TMEM178B: variants seen among roughly 807,000 people sequenced by gnomAD.
TMEM178B encodes the protein transmembrane protein 178B.
Under a neutral mutation model 31.0 loss-of-function variants are expected in TMEM178B, and 5 were observed. The ratio of observed to expected loss-of-function variants is 0.16; its 90% CI spans 0.08 to 0.34. TMEM178B has a LOEUF of 0.34. Ranked by LOEUF, TMEM178B falls within the 10% of genes least tolerant of loss-of-function variation. The pLI is 1.00. For missense variants in TMEM178B, 275 were observed against 400.3 expected (o/e 0.69, Z 2.67); for synonymous variants, 164 against 164.0 (o/e 1.00, Z 0.00).
At chr7:141,082,952 G>A (rs1563082885) in intron 1 of TMEM178B, among the ~76,000 whole-genome samples, 1 of 152,242 alleles carries the variant, frequency 6.6e-6, no homozygotes, top group East Asian at 1.9e-4. Flanking sequence ...TTACTGTAGG[G>A]TCAATTAGAG....
At chr7:141,310,622 G>A (rs6962018) in intron 2 of TMEM178B, among the ~76,000 whole-genome samples, 38,275 of 151,836 alleles carry the variant, frequency 0.25, 6,065 homozygotes, top group African/African-American at 0.44. Context: ...TTCCCTTCCT[G>A]GAACGGTGAT....
intron 2 of TMEM178B, among the ~76,000 whole-genome samples, chr7:141,377,568 G>A (rs1800240511): frequency 6.6e-6 from 1 of 152,034 alleles, no homozygotes; most frequent in African/African-American, 2.4e-5. Context: ...CTACTCAAGA[G>A]GCTAAGACAG....
At chr7:141,396,679 A>G (rs544473832) in intron 2 of TMEM178B, among the ~76,000 whole-genome samples, 12 of 152,330 alleles carry the variant, frequency 7.9e-5, no homozygotes, top group African/African-American at 2.9e-4. Flanking sequence ...AAGAAGAGAA[A>G]AATGGGATAA....
At chr7:141,257,941 G>T (rs1797953932) in intron 2 of TMEM178B, among the ~76,000 whole-genome samples, 1 of 151,058 alleles carries the variant, frequency 6.6e-6, no homozygotes, top group African/African-American at 2.4e-5. Flanking sequence ...TTTTTGTTTA[G>T]TTAAATAGAT....
At chr7:141,330,422 G>A (rs1047577033) in intron 2 of TMEM178B, among the ~76,000 whole-genome samples, 1 of 152,102 alleles carries the variant, frequency 6.6e-6, no homozygotes, top group Non-Finnish European at 1.5e-5. Flanking sequence ...AATGACTTCC[G>A]GCTCCATCCA....
chr7:141,454,657 T>C (rs185263394), intron 3 of TMEM178B, among the ~76,000 whole-genome samples: 82 of 150,328 alleles, frequency 5.5e-4, no homozygotes, highest in Middle Eastern at 3.5e-3. Flanking sequence ...AGTCAACACT[T>C]CTGGGTTAGT....
chr7:141,436,298 T>G (rs1311134708), intron 2 of TMEM178B, among the ~76,000 whole-genome samples: 1 of 152,178 alleles, frequency 6.6e-6, no homozygotes, highest in Admixed American at 6.5e-5. Context: ...CCAGGCAGGC[T>G]GCAGCAGCTG....
At chr7:141,243,932 C>T (rs1013338608) in intron 2 of TMEM178B, among the ~76,000 whole-genome samples, 1 of 152,150 alleles carries the variant, frequency 6.6e-6, no homozygotes, top group African/African-American at 2.4e-5. Context: ...GTACCTGTGT[C>T]CTCCACAATG....
At chr7:141,282,311 T>A (rs1798378773) in intron 2 of TMEM178B, among the ~76,000 whole-genome samples, 1 of 152,190 alleles carries the variant, frequency 6.6e-6, no homozygotes, top group African/African-American at 2.4e-5. Context: ...AACCCTGCCC[T>A]TGGGGAGAAC....
intron 2 of TMEM178B, among the ~76,000 whole-genome samples, chr7:141,251,926 C>T (rs934727648): frequency 2.0e-5 from 3 of 152,100 alleles, no homozygotes; most frequent in African/African-American, 4.8e-5. Flanking sequence ...AAATGTCATT[C>T]GACTTGATGT....
At chr7:141,457,078 A>G (rs1801976770) in intron 3 of TMEM178B, among the ~76,000 whole-genome samples, 1 of 152,108 alleles carries the variant, frequency 6.6e-6, no homozygotes. Context: ...ACAACTTTTC[A>G]TTTCACGGGG....
intron 1 of TMEM178B, among the ~76,000 whole-genome samples, chr7:141,142,660 G>T (rs1470318834): frequency 6.6e-6 from 1 of 152,178 alleles, no homozygotes; most frequent in Admixed American, 6.5e-5. Flanking sequence ...ACCCGCCTCA[G>T]CCTCCCAAAG....
intron 2 of TMEM178B, among the ~76,000 whole-genome samples, chr7:141,286,407 G>A (rs950537864): frequency 7.2e-5 from 11 of 152,166 alleles, no homozygotes; most frequent in African/African-American, 2.7e-4. Context: ...TTTTTCTAGT[G>A]TATATTTTGC....
intron 1 of TMEM178B, among the ~76,000 whole-genome samples, chr7:141,082,327 A>G (rs904731016): frequency 6.6e-6 from 1 of 152,220 alleles, no homozygotes; most frequent in African/African-American, 2.4e-5. Context: ...TTCTTTCTGC[A>G]TTCTTTATTG....
intron 2 of TMEM178B, among the ~76,000 whole-genome samples, chr7:141,359,949 A>C (rs1799889764): frequency 6.6e-6 from 1 of 152,198 alleles, no homozygotes; most frequent in Admixed American, 6.5e-5. Flanking sequence ...TCATGAAACC[A>C]TCAGATCTCT....
chr7:141,204,138 A>G (rs1796924190), intron 1 of TMEM178B, among the ~76,000 whole-genome samples: 1 of 152,152 alleles, frequency 6.6e-6, no homozygotes, highest in African/African-American at 2.4e-5. Flanking sequence ...CCAAAAGTAG[A>G]GCTTGTGACA....
At chr7:141,434,289 G>A (rs1801493737) in intron 2 of TMEM178B, among the ~76,000 whole-genome samples, 1 of 152,212 alleles carries the variant, frequency 6.6e-6, no homozygotes, top group Admixed American at 6.5e-5. Context: ...CCTGGCGTCT[G>A]CAGAGCCTGG....
chr7:141,419,047 A>G lies in TMEM178B; in HGVS notation c.497-18561A>G, dbSNP rs1300164183. The stretch of plus-strand genomic sequence containing the variant: ...CTCAGCCTACCGAATAGCTGGGATT[A>G]CAGGCATGAGCCACCATGCCCAACT... On this transcript the variant is annotated intron_variant, in intron 2 of 3. Coordinates refer to ENST00000565468, the MANE Select transcript of TMEM178B (RefSeq NM_001195278.2). 4.6e-5 allele frequency among the ~76,000 whole-genome samples: 7 copies of G among 152,292 alleles called. No homozygotes were observed. The East Asian group carries it at 1.4e-3, about 29-fold the overall frequency.
intron 2 of TMEM178B, among the ~76,000 whole-genome samples, chr7:141,337,575 C>A (rs1799446017): frequency 1.3e-5 from 2 of 152,126 alleles, no homozygotes; most frequent in Non-Finnish European, 2.9e-5. Context: ...TAGAGATACT[C>A]AATAATTTGC....
Sources: allele counts gnomAD v4.1 joint callset (sites outside exome capture counted in the v4.1 genomes callset), GRCh38; gene constraint gnomAD v4.1.1; transcripts MANE v1.5; gene names NCBI Gene and HGNC (gene_info 2026-07-23, HGNC 2026-07-21).